Variants in SEMA3E observed in about 807,000 individuals in gnomAD.
The protein encoded by SEMA3E is semaphorin 3E.
In SEMA3E, 49 loss-of-function variants were observed where a neutral mutation model predicts 93.6. That is an observed-to-expected ratio of 0.52 (90% confidence interval 0.42 to 0.66). The LOEUF is 0.66. Ranked by LOEUF, SEMA3E falls within the 30% of genes least tolerant of loss-of-function variation. The pLI, the probability that SEMA3E is intolerant of heterozygous loss-of-function variation, is 0.00. For missense variants in SEMA3E, 906 were observed against 964.8 expected (o/e 0.94, Z 0.81); for synonymous variants, 363 against 330.7 (o/e 1.10, Z -1.06).
intron 2 of SEMA3E, among the ~76,000 whole-genome samples, chr7:83,483,749 G>A (rs75840951): frequency 0.017 from 2,534 of 152,232 alleles, 69 homozygotes; most frequent in African/African-American, 0.058. Context: ...GGAAGGAGGT[G>A]GGAAACATCA....
intron 2 of SEMA3E, among the ~76,000 whole-genome samples, chr7:83,480,957 T>C (rs578087610): frequency 2.0e-5 from 3 of 152,216 alleles, no homozygotes; most frequent in African/African-American, 7.2e-5. Flanking sequence ...TATTAATAGA[T>C]TAGATGTTCT....
At chr7:83,535,132 G>A (rs896410861) in intron 1 of SEMA3E, among the ~76,000 whole-genome samples, 2 of 152,180 alleles carry the variant, frequency 1.3e-5, no homozygotes, top group African/African-American at 4.8e-5. Context: ...CTAATTTTGA[G>A]TGTGAATCTG....
At chr7:83,616,173 C>T (rs1793363689) in intron 1 of SEMA3E, among the ~76,000 whole-genome samples, 4 of 152,066 alleles carry the variant, frequency 2.6e-5, no homozygotes, top group Admixed American at 2.6e-4. Flanking sequence ...ATTCTCTTAA[C>T]CTTTTGGCAA....
intron 2 of SEMA3E, among the ~76,000 whole-genome samples, chr7:83,476,769 T>C (rs1180877828): frequency 6.6e-6 from 1 of 152,160 alleles, no homozygotes; most frequent in Non-Finnish European, 1.5e-5. Context: ...CAAAACCCCA[T>C]AAAATTAAGC....
At chr7:83,405,153 T>G (rs938997753) in intron 9 of SEMA3E, among the ~76,000 whole-genome samples, 5 of 151,822 alleles carry the variant, frequency 3.3e-5, no homozygotes, top group Admixed American at 3.3e-4. Context: ...TTACAAACTG[T>G]ATGTGAAAAA....
At chr7:83,375,423 TG>T (rs1794806791) in intron 16 of SEMA3E, among the ~76,000 whole-genome samples, 1 of 152,010 alleles carries the variant, frequency 6.6e-6, no homozygotes, top group African/African-American at 2.4e-5. Context: ...AACATCTCAG[TG>T]TAGGGTGAAG....
chr7:83,479,708 G>A (rs113238384), intron 2 of SEMA3E, among the ~76,000 whole-genome samples: 79 of 152,236 alleles, frequency 5.2e-4, no homozygotes, highest in Non-Finnish European at 1.0e-3. Flanking sequence ...ACAGAGCTGT[G>A]GACTAATTTG....
At chr7:83,471,126 T>C (rs1271824556) in intron 2 of SEMA3E, among the ~76,000 whole-genome samples, 1 of 152,032 alleles carries the variant, frequency 6.6e-6, no homozygotes, top group African/African-American at 2.4e-5. Flanking sequence ...CTAATTAGCA[T>C]AAGATGCTAT....
Position 83,504,541 on chromosome 7 carries a change from T to C in SEMA3E, c.116-14267A>G, listed in dbSNP as rs974708518. On this transcript the variant is annotated intron_variant, in intron 1 of 16. Coordinates refer to ENST00000643230, the MANE Select transcript of SEMA3E (RefSeq NM_012431.3). ...CCTGGGTACGTGGGTTCTCTTTAGA[T>C]GTGGCTAAGAGAAACATGAAGACAG... Among the ~76,000 whole-genome samples, 18 of 152,178 alleles carry C rather than the reference T, an allele frequency of 1.2e-4. No individual in the cohort carries two copies. In the South Asian group the frequency reaches 2.3e-3, roughly 19 times the overall value.
chr7:83,586,049 G>T (rs1792619960), intron 1 of SEMA3E, among the ~76,000 whole-genome samples: 1 of 152,140 alleles, frequency 6.6e-6, no homozygotes, highest in African/African-American at 2.4e-5. Context: ...CCCAGAATGT[G>T]TTAATGTGAT....
At chr7:83,378,856 A>T (rs1386510040) in intron 16 of SEMA3E, among the ~76,000 whole-genome samples, 3 of 151,864 alleles carry the variant, frequency 2.0e-5, no homozygotes, top group Admixed American at 6.6e-5. Context: ...CAAAGAACTA[A>T]AAATAGGATT....
At chr7:83,616,673 C>T (rs2115607557) in intron 1 of SEMA3E, 1 of 452,586 alleles carries the variant, frequency 2.2e-6, no homozygotes, top group East Asian at 7.0e-5. Flanking sequence ...TTGTGAAGGC[C>T]CAGATGAGAT....
At chr7:83,604,675 G>C (rs535132983) in intron 1 of SEMA3E, among the ~76,000 whole-genome samples, 43 of 151,864 alleles carry the variant, frequency 2.8e-4, no homozygotes, top group African/African-American at 9.7e-4. Context: ...ATGCAGGTTT[G>C]TTACATAGGT....
At chr7:83,566,176 T>G (rs2115851660) in intron 1 of SEMA3E, among the ~76,000 whole-genome samples, 1 of 151,268 alleles carries the variant, frequency 6.6e-6, no homozygotes. Flanking sequence ...TTTTTTTTTT[T>G]TTTGTACTTT....
intron 1 of SEMA3E, among the ~76,000 whole-genome samples, chr7:83,593,284 C>CTCTGTGTG (rs1324576607): frequency 3.4e-4 from 40 of 116,752 alleles, no homozygotes; most frequent in East Asian, 1.4e-3. Flanking sequence ...CTCTCTCTCT[C>CTCTGTGTG]TGTGTGTGTG....
rs775929093 is a variant in SEMA3E at position 83,402,765 on chromosome 7, C to G, written c.1010G>C (p.Arg337Pro). The part of the protein sequence containing the change: ...GLFNTTSNIF[R>P]GHAICVYHMS... ...GTGATAGACACATATAGCATGCCCTCGAAAAATATTACTGAAAAATACAAA... is the reference window on the plus strand; with the variant it reads ...GTGATAGACACATATAGCATGCCCTGGAAAAATATTACTGAAAAATACAAA... The change falls in exon 10 of 17, where the codon CGA (arginine) becomes CCA (proline). Residue 337 changes from arginine to proline, a missense_variant. Transcript: ENST00000643230. The G allele has an allele frequency of 6.2e-7, 1 of 1,612,096 alleles. No homozygotes were observed. Among genetic ancestry groups the G allele is most frequent in the Non-Finnish European group, 8.5e-7 (1 of 1,178,788 alleles).
chr7:83,459,130 C>T (rs1022602810), intron 4 of SEMA3E, among the ~76,000 whole-genome samples: 1 of 151,658 alleles, frequency 6.6e-6, no homozygotes, highest in Non-Finnish European at 1.5e-5. Flanking sequence ...CTGATCCCTC[C>T]CACTCCTGCA....
In SEMA3E at chr7:83,540,073, G is replaced by A. The variant is rs144799554; in HGVS notation, c.116-49799C>T. ...TAATTTTTGTATTTTTAGTAGAGAC[G>A]GCGTTTGCCATGTTGGCCAGGCTGG... On this transcript the variant is annotated intron_variant, in intron 1 of 16. Coordinates refer to ENST00000643230, the MANE Select transcript of SEMA3E (RefSeq NM_012431.3). 1.2e-4 allele frequency among the ~76,000 whole-genome samples: 19 copies of A among 152,152 alleles called. No individual in the cohort carries two copies. The East Asian group carries it at 3.1e-3, about 25-fold the overall frequency.
At chr7:83,540,072 C>T (rs186109017) in intron 1 of SEMA3E, among the ~76,000 whole-genome samples, 20 of 152,162 alleles carry the variant, frequency 1.3e-4, no homozygotes, top group Middle Eastern at 6.8e-3. Flanking sequence ...TTAGTAGAGA[C>T]GGCGTTTGCC....
Sources: gnomAD v4.1 joint callset for allele counts (sites outside exome capture counted in the v4.1 genomes callset) on GRCh38, gnomAD v4.1.1 for gene constraint, MANE v1.5 for transcripts, NCBI Gene and HGNC (gene_info 2026-07-23, HGNC 2026-07-21) for gene names.